Variants in FLI1 observed in about 807,000 individuals in gnomAD.
FLI1 encodes Fli-1 proto-oncogene, ETS transcription factor, also known as Friend leukemia integration 1 transcription factor.
Under a neutral mutation model 53.1 loss-of-function variants are expected in FLI1, and 13 were observed. The observed-to-expected ratio is 0.24, with a 90% CI of 0.16 to 0.39. The LOEUF is 0.39. Ranked by LOEUF, FLI1 falls within the 10% of genes least tolerant of loss-of-function variation. FLI1 has a pLI of 1.00. For missense variants in FLI1, 424 were observed against 600.5 expected (o/e 0.71, Z 3.07); for synonymous variants, 244 against 236.7 (o/e 1.03, Z -0.28).
intron 2 of FLI1, among the ~76,000 whole-genome samples, chr11:128,763,098 T>C (rs1031881492): frequency 6.6e-6 from 1 of 152,232 alleles, no homozygotes; most frequent in Non-Finnish European, 1.5e-5. Flanking sequence ...GCTTCTGAGT[T>C]ATGTCTTCAT....
chr11:128,768,548 G>A (rs188369934), intron 3 of FLI1: 3 of 422,514 alleles, frequency 7.1e-6, no homozygotes, highest in Admixed American at 3.5e-5. Flanking sequence ...AATTAGCCAG[G>A]TGTGGTAGTG....
chr11:128,700,366 T>A (rs767834693), intron 1 of FLI1, among the ~76,000 whole-genome samples: 196 of 152,342 alleles, frequency 1.3e-3, no homozygotes, highest in Non-Finnish European at 2.0e-3. Context: ...TCCTGATTCC[T>A]GCTTTTACTA....
At chr11:128,782,851 T>C (rs982425428) in intron 5 of FLI1, among the ~76,000 whole-genome samples, 1 of 152,232 alleles carries the variant, frequency 6.6e-6, no homozygotes, top group Non-Finnish European at 1.5e-5. Flanking sequence ...TTCCTCAGCG[T>C]CTTTATGAAA....
intron 1 of FLI1, among the ~76,000 whole-genome samples, chr11:128,700,586 A>G (rs1938284305): frequency 6.6e-6 from 1 of 152,162 alleles, no homozygotes; most frequent in African/African-American, 2.4e-5. Context: ...ATAACAAAGA[A>G]TTTGGGGGTG....
In FLI1 at chr11:128,810,149, G is replaced by A. The variant is rs978127659; in HGVS notation, c.830-310G>A. ...AAAGCCTTGCCAAAGGGATTGAGGG[G>A]GGATATGGCTCACCCAAGATCACAC... On this transcript the variant is annotated intron_variant, in intron 8 of 8. Coordinates refer to ENST00000527786, the MANE Select transcript of FLI1 (RefSeq NM_002017.5). This position sits in a 1 kb window ranked among gnomAD's most constrained non-coding sequence, Gnocchi z 6.6. 2.6e-5 allele frequency among the ~76,000 whole-genome samples: 4 copies of A among 151,856 alleles called. No homozygotes were observed. The highest frequency in any genetic ancestry group is 9.7e-5 in the African/African-American group (4 of 41,340).
chr11:128,728,886 G>A (rs942487671), intron 1 of FLI1, among the ~76,000 whole-genome samples: 23 of 152,200 alleles, frequency 1.5e-4, no homozygotes, highest in African/African-American at 5.5e-4. Context: ...AAGGAAATGA[G>A]AGGAACCTAC....
At chr11:128,793,231 T>C (rs10488705) in intron 5 of FLI1, among the ~76,000 whole-genome samples, 54,393 of 151,668 alleles carry the variant, frequency 0.36, 11,490 homozygotes, top group Middle Eastern at 0.58. Context: ...ATCAGTTTCA[T>C]GGGTAATCCT....
At chr11:128,698,194 G>C (rs1192440264) in intron 1 of FLI1, among the ~76,000 whole-genome samples, 1 of 152,240 alleles carries the variant, frequency 6.6e-6, no homozygotes, top group Non-Finnish European at 1.5e-5. Context: ...AAGCAGCAGA[G>C]TGAGGAATAC....
intron 5 of FLI1, among the ~76,000 whole-genome samples, chr11:128,801,310 G>A (rs1942630495): frequency 1.3e-5 from 2 of 152,330 alleles, no homozygotes; most frequent in South Asian, 4.1e-4. Flanking sequence ...GAGCCACTGG[G>A]TCAGCTCCCT....
intron 2 of FLI1, among the ~76,000 whole-genome samples, chr11:128,759,567 T>C (rs1941030136): frequency 6.6e-6 from 1 of 152,166 alleles, no homozygotes; most frequent in African/African-American, 2.4e-5. Flanking sequence ...AAGAGATGAT[T>C]AACAGGGCTT....
intron 1 of FLI1, among the ~76,000 whole-genome samples, chr11:128,731,456 G>A (rs893872758): frequency 6.8e-6 from 1 of 146,250 alleles, no homozygotes. Flanking sequence ...AGTATGAAAG[G>A]GTGGTTAACA....
intron 5 of FLI1, among the ~76,000 whole-genome samples, chr11:128,791,375 C>A (rs962898023): frequency 2.6e-5 from 4 of 152,122 alleles, no homozygotes; most frequent in African/African-American, 7.2e-5. Context: ...TCTAGGAAAC[C>A]ACACTCACCC....
intron 1 of FLI1, among the ~76,000 whole-genome samples, chr11:128,698,722 G>A (rs1938192985): frequency 7.7e-6 from 1 of 130,078 alleles, no homozygotes; most frequent in African/African-American, 2.8e-5. Flanking sequence ...GTGTGTGTGT[G>A]TGTGTGTGTG....
chr11:128,761,479 C>T (rs1465086715), intron 2 of FLI1, among the ~76,000 whole-genome samples: 1 of 152,178 alleles, frequency 6.6e-6, no homozygotes, highest in Non-Finnish European at 1.5e-5. Context: ...TGAGCAGACT[C>T]AAAAGAGAAG....
rs566693850 is a variant in FLI1, at chr11:128,708,156, T to C, written c.18+13880T>C. Among the ~76,000 whole-genome samples the C allele has an allele frequency of 2.0e-5, 3 of 152,206 alleles. No homozygotes were observed. The South Asian group carries it at 6.2e-4, about 32-fold the overall frequency. ...GCCTTGGTTTCCCCATTGCCGTGCA[T>C]GGGGGAGGAAGCTTTCAGCTCAGAG... On this transcript the variant is annotated intron_variant, in intron 1 of 8. Coordinates refer to ENST00000527786, the MANE Select transcript of FLI1 (RefSeq NM_002017.5).
upstream of FLI1, among the ~76,000 whole-genome samples, chr11:128,685,521 T>C (rs917920034): frequency 4.0e-5 from 6 of 151,436 alleles, no homozygotes; most frequent in Non-Finnish European, 8.8e-5. Context: ...CCTTCTTTCC[T>C]CTCTGTTTTC....
chr11:128,736,924 A>T (rs1344391043), intron 1 of FLI1, among the ~76,000 whole-genome samples: 1 of 152,218 alleles, frequency 6.6e-6, no homozygotes, highest in Non-Finnish European at 1.5e-5. Context: ...ATCCCAATAC[A>T]GCCCCTGGTT....
intron 1 of FLI1, among the ~76,000 whole-genome samples, chr11:128,710,896 A>T (rs1286713370): frequency 6.6e-6 from 1 of 152,246 alleles, no homozygotes; most frequent in African/African-American, 2.4e-5. Flanking sequence ...TAGCTCTTGC[A>T]CAATTTTTAG....
intron 7 of FLI1, 92 bp downstream of exon 7, chr11:128,807,331 A>T: frequency 1.3e-6 from 1 of 785,596 alleles, no homozygotes; most frequent in African/African-American, 1.8e-5. Context: ...ACAATATACC[A>T]CATATGTTTT....
Sources: gnomAD v4.1 joint callset for allele counts (sites outside exome capture counted in the v4.1 genomes callset) on GRCh38, gnomAD v4.1.1 for gene constraint, Gnocchi (gnomAD v3.1) non-coding constraint, MANE v1.5 for transcripts, NCBI Gene and HGNC (gene_info 2026-07-23, HGNC 2026-07-21) for gene names.